The following PARP9 variants were observed in gnomAD, a reference collection of about 807,000 sequenced individuals.
PARP9 encodes the protein poly(ADP-ribose) polymerase family member 9.
PARP9 carries 48 observed loss-of-function variants against 68.8 expected under a neutral mutation model. The ratio of observed to expected loss-of-function variants is 0.70; its 90% CI spans 0.55 to 0.89. The LOEUF (loss-of-function observed/expected upper bound fraction) is 0.89. Among genes scored for constraint, PARP9 ranks in the 40% least tolerant of loss-of-function variants. The pLI is 0.00. For missense variants in PARP9, 806 were observed against 969.3 expected, an observed-to-expected ratio of 0.83 and a Z score of 2.24; for synonymous variants, 309 against 333.8, an observed-to-expected ratio of 0.93 and a Z score of 0.81.
In PARP9 at chr3:122,528,240, A is replaced by G; in HGVS notation, c.*124T>C. On this transcript the variant is annotated 3_prime_UTR_variant, in exon 11 of 11. Transcript: ENST00000682323. ...TAGTATGTGGCTAGTCCTTTCAATA[A>G]CCCAGTCAGTCCATACAGATAACCC... The G allele has an allele frequency of 7.1e-6, 9 of 1,271,308 alleles. No homozygotes were observed. Among genetic ancestry groups the G allele is most frequent in the Non-Finnish European group, 9.8e-6 (9 of 916,528 alleles). The allele number at this position is 1,271,308 out of a possible 1,614,324, so 78.8% of individuals were successfully genotyped here.
intron 10 of PARP9, chr3:122,533,071 C>T (rs1271603274): frequency 6.6e-6 from 1 of 151,960 alleles, no homozygotes; most frequent in Non-Finnish European, 1.5e-5. Flanking sequence ...TGTTTTGTGG[C>T]AAGGAGAGGA....
intron 1 of PARP9, among the ~76,000 whole-genome samples, chr3:122,560,196 C>T (rs770063126): frequency 6.6e-6 from 1 of 151,986 alleles, no homozygotes; most frequent in Non-Finnish European, 1.5e-5. Context: ...ACATCCTTGA[C>T]CTAATGATAG....
chr3:122,557,610 C>T (rs932144903), intron 3 of PARP9, among the ~76,000 whole-genome samples: 8 of 152,192 alleles, frequency 5.3e-5, no homozygotes, highest in African/African-American at 1.7e-4. Flanking sequence ...TCATGCCCAA[C>T]GTGGGACACC....
At position 122,561,722 on chromosome 3, in the gene PARP9, T is replaced by A. The variant is rs188215630; in HGVS notation, c.-89-2013A>T. On this transcript the variant is annotated intron_variant, in intron 1 of 10. Coordinates refer to ENST00000682323, the MANE Select transcript of PARP9 (RefSeq NM_001146105.2). ...AGGATTCTGTCTAAGGCGTTTTTCATCTCATTCTGCATACTCCCCAGGAGT... is the reference window on the plus strand; with the variant it reads ...AGGATTCTGTCTAAGGCGTTTTTCAACTCATTCTGCATACTCCCCAGGAGT... Among the ~76,000 whole-genome samples, 488 of 152,272 alleles carry A rather than the reference T, an allele frequency of 3.2e-3. 2 individuals are homozygous for A. Among genetic ancestry groups the A allele is most frequent in the Non-Finnish European group, 4.0e-3 (270 of 68,024 alleles).
At chr3:122,537,794 C>T (rs1256805245) in intron 8 of PARP9, among the ~76,000 whole-genome samples, 3 of 151,866 alleles carry the variant, frequency 2.0e-5, no homozygotes, top group Non-Finnish European at 4.4e-5. Context: ...CATTTCCCTC[C>T]CTCCCTCTCC....
chr3:122,539,865 C>A (rs979006970), intron 8 of PARP9, among the ~76,000 whole-genome samples: 2 of 152,048 alleles, frequency 1.3e-5, no homozygotes, highest in Non-Finnish European at 2.9e-5. Flanking sequence ...TGCCCAGCCC[C>A]GAGATGGCAT....
In PARP9 at chr3:122,546,968, CTATATATATATATA is replaced by C. The variant is rs57337681; in HGVS notation, c.1327-1493_1327-1480del. ...TGCCTGACAGACACAATACATGGCACTATATATATATATATATATATATATATATATATATATAT... is the reference window on the plus strand; with the variant it reads ...TGCCTGACAGACACAATACATGGCACTATATATATATATATATATATATAT... On this transcript the variant is annotated intron_variant, in intron 6 of 10. Coordinates refer to ENST00000682323, the MANE Select transcript of PARP9 (RefSeq NM_001146105.2). Among the ~76,000 whole-genome samples, 130 of 70,156 alleles carry C rather than the reference CTATATATATATATA, an allele frequency of 1.9e-3. 1 individual carries two copies. The highest frequency in any genetic ancestry group is 2.9e-3 in the South Asian group (6 of 2,090). The allele number at this position is 70,156 out of a possible 152,430, so 46.0% of individuals were successfully genotyped here. A position where few individuals can be genotyped will look rare whatever the true frequency, so the allele number is the denominator to read the frequency against.
rs1460141021 is a variant in PARP9 at position 122,545,432 on chromosome 3, C to T, written c.1384G>A (p.Val462Ile). Residue 462 changes from valine to isoleucine, a missense_variant and splice_region_variant, in exon 7 of 11, where the codon GTC becomes ATC. Val to Ile is a conservative substitution (Grantham distance 29). Coordinates refer to ENST00000682323, the MANE Select transcript of PARP9 (RefSeq NM_001146105.2). ...SKMLSLNNYS[V>I]PQSTREEKRE... ...ATTGGCCTGTGAATTTCTTACTCAC[C>T]ACTGTAATTGTTCAAACTCAGCATC... 1 of 1,614,168 alleles carries T rather than the reference C, an allele frequency of 6.2e-7. No individual in the cohort carries two copies. The highest frequency in any genetic ancestry group is 2.2e-5 in the East Asian group (1 of 44,888).
chr3:122,532,014 G>A, intron 10 of PARP9: 2 of 444,510 alleles, frequency 4.5e-6, no homozygotes, highest in Non-Finnish European at 6.0e-6. Flanking sequence ...CAGAACAATG[G>A]AAATCTCGGA....
Position 122,545,471 on chromosome 3 carries a change from C to A in PARP9, c.1345G>T (p.Ala449Ser). The change falls in exon 7 of 11, where the codon GCA becomes TCA. Residue 449 changes from alanine to serine, a missense_variant. Ala to Ser is a moderately conservative substitution (Grantham distance 99, BLOSUM62 1). Around this residue, in one of 2 missense-constraint regions of PARP9, gnomAD observed 680 missense variants for 858.8 expected, o/e 0.79. Coordinates refer to ENST00000682323, the MANE Select transcript of PARP9 (RefSeq NM_001146105.2). ...AAACTCAGCATCTTGGACCTCTTTGCCATTTCAGAACTGAAAGCCTACAAG... is the reference window on the plus strand; with the variant it reads ...AAACTCAGCATCTTGGACCTCTTTGACATTTCAGAACTGAAAGCCTACAAG... ...EIYKAFSSEM[A>S]KRSKMLSLNN... 6.2e-7 allele frequency: 1 copy of A among 1,614,160 alleles called. No individual in the cohort carries two copies. Among genetic ancestry groups the A allele is most frequent in the Non-Finnish European group, 8.5e-7 (1 of 1,180,026 alleles).
chr3:122,549,390 T>C (rs906413746), intron 6 of PARP9, among the ~76,000 whole-genome samples: 5 of 152,158 alleles, frequency 3.3e-5, no homozygotes, highest in Non-Finnish European at 4.4e-5. Context: ...ATGAGGAAAC[T>C]GAGGCACAGA....
intron 10 of PARP9, chr3:122,531,758 A>G (rs9849013): frequency 0.14 from 21,288 of 151,748 alleles, 1,597 homozygotes; most frequent in East Asian, 0.33. Flanking sequence ...TAAAAACCAG[A>G]AGGATTCAGA....
chr3:122,539,888 A>G (rs2078059419), intron 8 of PARP9, among the ~76,000 whole-genome samples: 1 of 152,084 alleles, frequency 6.6e-6, no homozygotes. Context: ...CAATAGTATA[A>G]TTTCCTAGTT....
chr3:122,555,347 T>C lies in PARP9; in HGVS notation c.824A>G (p.Asn275Ser), dbSNP rs191001617. 69 of 1,614,128 alleles carry C rather than the reference T, an allele frequency of 4.3e-5. No homozygotes were observed. Among genetic ancestry groups the C allele is most frequent in the South Asian group, 9.9e-5 (9 of 91,078 alleles). Residue 275 changes from asparagine to serine, a missense_variant, in exon 4 of 11, where the codon AAT (asparagine) becomes AGT (serine). Around this residue, in one of 2 missense-constraint regions of PARP9, gnomAD observed 680 missense variants for 858.8 expected, o/e 0.79. Transcript: ENST00000682323. The part of the protein sequence containing the change: ...ELGQETTPSF[N>S]AMVVNNLTLQ... ...GGTCAGGTTGTTCACGACCATTGCA[T>C]TGAAAGAAGGGGTGGTTTCTTGTCC...
intron 10 of PARP9, chr3:122,534,059 C>A: frequency 1.0e-6 from 1 of 985,426 alleles, no homozygotes; most frequent in Non-Finnish European, 1.2e-6. Flanking sequence ...GTCTGAATTG[C>A]CTCAAGGCAG....
intron 2 of PARP9, among the ~76,000 whole-genome samples, chr3:122,558,733 C>T (rs558304062): frequency 6.6e-6 from 1 of 152,044 alleles, no homozygotes; most frequent in Non-Finnish European, 1.5e-5. Context: ...TTTTTCGAGA[C>T]AAGGTTTCAC....
chr3:122,555,727 C>G lies in PARP9; in HGVS notation c.444G>C (p.Thr148=), dbSNP rs950392882. The change falls in exon 4 of 11, where the codon ACG becomes ACC. Residue 148 remains threonine (T), a synonymous_variant. Transcript: ENST00000682323. The stretch of plus-strand genomic sequence containing the variant: ...GTTTGCAGGGAAGCCTCCCTGCTCC[C>G]GTGACAGCTATCTCACCAGCTGACA... ...GKVSAGEIAV[T]GAGRLPCKQI... is the part of the protein sequence containing the mutation. 6.2e-7 allele frequency: 1 copy of G among 1,614,000 alleles called. No individual in the cohort carries two copies. Among genetic ancestry groups the G allele is most frequent in the Non-Finnish European group, 8.5e-7 (1 of 1,179,988 alleles).
In PARP9 at chr3:122,528,224, G is replaced by A; in HGVS notation, c.*140C>T. 7.2e-6 allele frequency: 8 copies of A among 1,110,364 alleles called. No individual in the cohort carries two copies. Among genetic ancestry groups the A allele is most frequent in the Non-Finnish European group, 1.0e-5 (8 of 775,962 alleles). 68.8% of individuals were successfully genotyped at this position (1,110,364 alleles called of 1,614,324 possible). ...AAAGGCACTAAGATGCTAGTATGTG[G>A]CTAGTCCTTTCAATAACCCAGTCAG... On this transcript the variant is annotated 3_prime_UTR_variant, in exon 11 of 11. Transcript: ENST00000682323.
Position 122,556,060 on chromosome 3 carries a change from T to G in PARP9, c.111A>C (p.Lys37Asn). ...WQIPINHNDF[K>N]ILKNNERQLC... ...GCTGACGCTCATTATTTTTTAAAAT[T>G]TTGAAGTCATTGTGGTTAATGGGAA... Residue 37 changes from lysine to asparagine, a missense_variant, in exon 4 of 11, where the codon AAA (lysine) becomes AAC (asparagine). Lys to Asn is a moderately conservative substitution (Grantham distance 94). Coordinates refer to ENST00000682323, the MANE Select transcript of PARP9 (RefSeq NM_001146105.2). The G allele has an allele frequency of 1.2e-6, 2 of 1,611,548 alleles. No individual in the cohort carries two copies. Among genetic ancestry groups the G allele is most frequent in the Middle Eastern group, 1.7e-4 (1 of 6,038 alleles).
Sources: gnomAD v4.1 joint callset for allele counts (sites outside exome capture counted in the v4.1 genomes callset) on GRCh38, gnomAD v4.1.1 for gene constraint, gnomAD v4.1.1 regional missense constraint, MANE v1.5 for transcripts, NCBI Gene and HGNC (gene_info 2026-07-23, HGNC 2026-07-21) for gene names.